CXCL13: variants seen among roughly 807,000 people sequenced by gnomAD.
CXCL13 encodes C-X-C motif chemokine 13.
A neutral mutation model predicts 12.2 loss-of-function variants in CXCL13; 7 were observed. The observed-to-expected ratio is 0.57, with a 90% CI of 0.33 to 1.07. CXCL13 has a LOEUF of 1.07. Among genes scored for constraint, CXCL13 ranks in the 50% least tolerant of loss-of-function variants. The probability of loss-of-function intolerance (pLI) is 0.04; values close to 1 mark genes in which losing one functional copy is unlikely to be tolerated. For synonymous variants in CXCL13, 47 were observed against 42.4 expected, an observed-to-expected ratio of 1.11 and a Z score of -0.42; for missense variants, 113 against 127.4, an observed-to-expected ratio of 0.89 and a Z score of 0.55.
intron 1 of CXCL13, among the ~76,000 whole-genome samples, chr4:77,560,575 C>A (rs189424176): frequency 3.7e-4 from 56 of 152,350 alleles, no homozygotes; most frequent in African/African-American, 1.3e-3. Context: ...CAATTGAAGT[C>A]TCCTTTCTAG....
At chr4:77,582,122 A>G (rs1726349892) in intron 1 of CXCL13, among the ~76,000 whole-genome samples, 1 of 152,198 alleles carries the variant, frequency 6.6e-6, no homozygotes, top group Non-Finnish European at 1.5e-5. Context: ...AGTCGGTGGA[A>G]AGTGGATTTT....
rs17415031 is a variant in CXCL13 at position 77,537,807 on chromosome 4, G to A, written c.-43+26019G>A. Among the ~76,000 whole-genome samples, 1,377 of 152,148 alleles carry A rather than the reference G, an allele frequency of 9.1e-3. 9 individuals are homozygous for A. The highest frequency in any genetic ancestry group is 0.012 in the Non-Finnish European group (809 of 67,978). On this transcript the variant is annotated intron_variant, in intron 1 of 4. Coordinates refer to the CXCL13 transcript ENST00000286758. ...TGTTGTGGGTCTGACTCCACTCTAT[G>A]GATCCTAGGGTAGACATGTGATTCA...
intron 1 of CXCL13, among the ~76,000 whole-genome samples, chr4:77,519,037 T>C (rs1270914779): frequency 6.6e-6 from 1 of 152,224 alleles, no homozygotes; most frequent in African/African-American, 2.4e-5. Flanking sequence ...GCAAGTCTGT[T>C]GGAGTTTGCT....
intron 1 of CXCL13, among the ~76,000 whole-genome samples, chr4:77,541,330 G>A (rs1224040190): frequency 6.6e-6 from 1 of 152,108 alleles, no homozygotes; most frequent in East Asian, 1.9e-4. Context: ...TATTTCCCAA[G>A]GCTGATGTCC....
At chr4:77,596,245 A>G (rs1415959418) in intron 1 of CXCL13, among the ~76,000 whole-genome samples, 1 of 152,184 alleles carries the variant, frequency 6.6e-6, no homozygotes, top group Non-Finnish European at 1.5e-5. Flanking sequence ...ATTGCTAGGT[A>G]TAGGTTTTGT....
chr4:77,565,167 A>G (rs774786738), intron 1 of CXCL13, among the ~76,000 whole-genome samples: 46 of 152,166 alleles, frequency 3.0e-4, no homozygotes, highest in Non-Finnish European at 6.2e-4. Context: ...ACTTATTTTC[A>G]TCTGAATATA....
chr4:77,536,460 C>T (rs953334752), intron 1 of CXCL13, among the ~76,000 whole-genome samples: 2 of 152,114 alleles, frequency 1.3e-5, no homozygotes, highest in African/African-American at 2.4e-5. Flanking sequence ...GGGTTCAAAT[C>T]CTGGCTCTGC....
At chr4:77,543,503 T>A (rs1725257109) in intron 1 of CXCL13, among the ~76,000 whole-genome samples, 1 of 152,136 alleles carries the variant, frequency 6.6e-6, no homozygotes, top group African/African-American at 2.4e-5. Context: ...CACTATTAAC[T>A]TTCCTCTTAA....
At chr4:77,567,464 A>G (rs1725966449) in intron 1 of CXCL13, among the ~76,000 whole-genome samples, 1 of 152,264 alleles carries the variant, frequency 6.6e-6, no homozygotes. Context: ...AAGTCCAGTC[A>G]GAGACTTTTC....
chr4:77,555,032 A>G (rs1038215253), intron 1 of CXCL13, among the ~76,000 whole-genome samples: 1 of 152,042 alleles, frequency 6.6e-6, no homozygotes, highest in Non-Finnish European at 1.5e-5. Context: ...AAAAAACAGA[A>G]GAACAAATTG....
chr4:77,560,989 G>T (rs746662695), intron 1 of CXCL13, among the ~76,000 whole-genome samples: 1 of 152,122 alleles, frequency 6.6e-6, no homozygotes. Context: ...GGGAACCCCA[G>T]GCAGTTAAGT....
intron 1 of CXCL13, among the ~76,000 whole-genome samples, chr4:77,539,401 A>G (rs2109799917): frequency 6.6e-6 from 1 of 152,328 alleles, no homozygotes; most frequent in Non-Finnish European, 1.5e-5. Flanking sequence ...TGCTGGGATC[A>G]CAAGCATGAG....
chr4:77,609,143 G>T (rs1251475527), intron 2 of CXCL13, among the ~76,000 whole-genome samples: 3 of 152,126 alleles, frequency 2.0e-5, no homozygotes, highest in Non-Finnish European at 2.9e-5. Flanking sequence ...AAACCCAATT[G>T]GAAGTGTCTA....
At chr4:77,532,083 A>ACCAG (rs1724942187) in intron 1 of CXCL13, among the ~76,000 whole-genome samples, 1 of 152,096 alleles carries the variant, frequency 6.6e-6, no homozygotes, top group Non-Finnish European at 1.5e-5. Flanking sequence ...ATTTGATGCT[A>ACCAG]TCATTATGAT....
At chr4:77,582,076 A>C (rs1324109412) in intron 1 of CXCL13, among the ~76,000 whole-genome samples, 6 of 152,020 alleles carry the variant, frequency 3.9e-5, no homozygotes, top group Non-Finnish European at 1.5e-5. Context: ...AAAGAAAAAA[A>C]ACATCATTCT....
chr4:77,518,221 C>T (rs1560512546), intron 1 of CXCL13, among the ~76,000 whole-genome samples: 1 of 152,166 alleles, frequency 6.6e-6, no homozygotes, highest in Non-Finnish European at 1.5e-5. Context: ...TCTGGCTGCC[C>T]TTAACATTTT....
chr4:77,526,796 G>A (rs553281610), intron 1 of CXCL13, among the ~76,000 whole-genome samples: 103 of 152,194 alleles, frequency 6.8e-4, no homozygotes, highest in African/African-American at 2.4e-3. Context: ...GCTTAGGGAG[G>A]CCAGGGAGCC....
At chr4:77,534,724 T>C (rs751821749) in intron 1 of CXCL13, among the ~76,000 whole-genome samples, 1 of 152,214 alleles carries the variant, frequency 6.6e-6, no homozygotes, top group South Asian at 2.1e-4. Flanking sequence ...GTCCATTTAG[T>C]GCAGGCCTCA....
intron 1 of CXCL13, among the ~76,000 whole-genome samples, chr4:77,571,228 T>C (rs1245534375): frequency 1.3e-5 from 2 of 151,872 alleles, no homozygotes; most frequent in African/African-American, 4.9e-5. Context: ...AATGCGCCAG[T>C]CAACACTCTG....
Sources: gnomAD v4.1 joint callset for allele counts (sites outside exome capture counted in the v4.1 genomes callset) on GRCh38, gnomAD v4.1.1 for gene constraint, MANE v1.5 for transcripts, NCBI Gene and HGNC (gene_info 2026-07-23, HGNC 2026-07-21) for gene names.